LIME1: variants seen among roughly 807,000 people sequenced by gnomAD.
The protein encoded by LIME1 is lck-interacting transmembrane adapter 1.
In LIME1, 23 loss-of-function variants were observed where a neutral mutation model predicts 18.8. The ratio of observed to expected loss-of-function variants is 1.22; its 90% CI spans 0.88 to 1.73. LIME1 has a LOEUF of 1.73. LIME1 is among the 40% of genes most tolerant of loss of function. The pLI is 0.00. For missense variants in LIME1, 423 were observed against 396.8 expected, an observed-to-expected ratio of 1.07 and a Z score of -0.56; for synonymous variants, 177 against 182.3, an observed-to-expected ratio of 0.97 and a Z score of 0.23.
At position 63,738,296 on chromosome 20, in the gene LIME1, G is replaced by C. The variant is rs1317761951; in HGVS notation, c.382G>C (p.Ala128Pro). 3 of 1,569,262 alleles carry C rather than the reference G, an allele frequency of 1.9e-6. No homozygotes were observed. Among genetic ancestry groups the C allele is most frequent in the Non-Finnish European group, 2.6e-6 (3 of 1,161,658 alleles). ...SAFPHQELPR[A>P]LPAAAATAGC... The stretch of plus-strand genomic sequence containing the variant: ...CTTCCCACACCAGGAGCTGCCCCGG[G>C]CTCTGCCGGCAGCTGCAGCCACCGC... Residue 128 changes from alanine (A) to proline (P), a missense_variant, in exon 5 of 6, where the codon GCT becomes CCT. Coordinates refer to ENST00000309546, the MANE Select transcript of LIME1 (RefSeq NM_017806.4).
upstream of LIME1, chr20:63,735,900 A>G (rs1378793977): frequency 3.7e-6 from 6 of 1,612,560 alleles, no homozygotes; most frequent in East Asian, 4.5e-5. Flanking sequence ...GACACCCACA[A>G]GAAGATGACT....
chr20:63,738,408 C>T lies in LIME1; in HGVS notation c.494C>T (p.Ala165Val). ...AGCCTGGCGGCCAGCCCTGTGGTGG[C>T]CGAGTATGCCCGCGTCCAGAAGCGC... Reference protein sequence around the residue: ...GVSLAASPVVAEYARVQKRKG... With the variant: ...GVSLAASPVVVEYARVQKRKG... The change falls in exon 5 of 6, where the codon GCC becomes GTC. Residue 165 changes from alanine (A) to valine (V), a missense_variant. Transcript: ENST00000309546. 1 of 1,545,276 alleles carries T rather than the reference C, an allele frequency of 6.5e-7. No homozygotes were observed. Among genetic ancestry groups the T allele is most frequent in the Non-Finnish European group, 8.7e-7 (1 of 1,145,748 alleles).
rs1444769403 is a variant in LIME1 at position 63,738,170 on chromosome 20, ACCCCAC to A, written c.269-7_269-2del. On this transcript the variant is annotated splice_polypyrimidine_tract_variant and splice_region_variant and intron_variant, in intron 4 of 5. Transcript: ENST00000309546. ...CCTGCCCGGAGTGAACTCTGCCCTGACCCCACCCCCAGCCCTGCGGCCTGCCAGCAT... is the reference window on the plus strand; with the variant it reads ...CCTGCCCGGAGTGAACTCTGCCCTGACCCCAGCCCTGCGGCCTGCCAGCAT... The A allele has an allele frequency of 1.3e-6, 2 of 1,554,708 alleles. No individual in the cohort carries two copies. Among genetic ancestry groups the A allele is most frequent in the East Asian group, 4.7e-5 (2 of 42,508 alleles).
At chr20:63,736,099 C>T, upstream of LIME1, 3 of 841,486 alleles carry the variant, frequency 3.6e-6, no homozygotes, top group Non-Finnish European at 5.5e-6. Context: ...GTGTCTTGGG[C>T]ATTTCCTTGG....
At chr20:63,736,164 G>A, upstream of LIME1, 1 of 559,248 alleles carries the variant, frequency 1.8e-6, no homozygotes, top group Non-Finnish European at 3.1e-6. Context: ...TCAGCTGGCT[G>A]CAGGGTCTCT....
chr20:63,738,084 C>A, intron 4 of LIME1, 24 bp downstream of exon 4: 1 of 1,512,842 alleles, frequency 6.6e-7, no homozygotes, highest in Admixed American at 2.0e-5. Flanking sequence ...GGGGCGGGGG[C>A]GGCCGGGCGG....
In LIME1 at chr20:63,738,504, C is replaced by G; in HGVS notation, c.585+5C>G. ...GAGGTGACCCCGGCCGCTCAGGTAA[C>G]GTGGGCCAGGGTAGGGCGCTGTGGG... On this transcript the variant is annotated splice_donor_5th_base_variant and intron_variant, in intron 5 of 5. Transcript: ENST00000309546. 1 of 1,513,918 alleles carries G rather than the reference C, an allele frequency of 6.6e-7. No individual in the cohort carries two copies. Among genetic ancestry groups the G allele is most frequent in the Middle Eastern group, 1.8e-4 (1 of 5,616 alleles). The allele number at this position is 1,513,918 out of a possible 1,614,324, so 93.8% of individuals were successfully genotyped here.
upstream of LIME1, chr20:63,736,276 A>C (rs2091989416): frequency 1.3e-5 from 3 of 238,600 alleles, no homozygotes; most frequent in African/African-American, 4.6e-5. Flanking sequence ...TGACCAAGGC[A>C]GATCGGAGGC....
intron 1 of LIME1, chr20:63,736,990 G>T: frequency 1.0e-6 from 1 of 985,856 alleles, no homozygotes; most frequent in Non-Finnish European, 1.2e-6. Flanking sequence ...AGAGAAGTGG[G>T]GTGGGGGCAT....
At position 63,738,857 on chromosome 20, in the gene LIME1, G is replaced by C. The variant is rs1023742819; in HGVS notation, c.845G>C (p.Ser282Thr). The change falls in exon 6 of 6, where the codon AGC (serine) becomes ACC (threonine). Residue 282 changes from serine to threonine, a missense_variant. Transcript: ENST00000309546. ...ACGCCCCCTGCTTCCAGCTGCCCCA[G>C]CCTAGGGAGGGGCTGGAGACCCCTC... ...AGTPPASSCP[S>T]LGRGWRPLPA... 2 of 1,610,062 alleles carry C rather than the reference G, an allele frequency of 1.2e-6. No homozygotes were observed. Among genetic ancestry groups the C allele is most frequent in the African/African-American group, 2.7e-5 (2 of 74,862 alleles).
At chr20:63,735,955 C>A, upstream of LIME1, 1 of 1,587,498 alleles carries the variant, frequency 6.3e-7, no homozygotes, top group Non-Finnish European at 8.6e-7. Context: ...GCGTGGGACC[C>A]CAGCACGGGC....
intron 4 of LIME1, 37 bp from the exon 5 acceptor site, chr20:63,738,146 C>T: frequency 3.3e-6 from 5 of 1,536,878 alleles, no homozygotes; most frequent in Non-Finnish European, 4.4e-6. Context: ...CTCCTGCCCC[C>T]TGCCCGGAGT....
intron 1 of LIME1, 70 bp downstream of exon 1, chr20:63,736,782 G>T (rs2091994391): frequency 1.0e-6 from 1 of 985,654 alleles, no homozygotes; most frequent in Non-Finnish European, 1.2e-6. Flanking sequence ...GGGTCAGTCA[G>T]CCAGGCTGAA....
chr20:63,736,024 C>G, upstream of LIME1: 4 of 1,491,002 alleles, frequency 2.7e-6, no homozygotes, highest in South Asian at 2.7e-5. Context: ...CTGGGGCGTG[C>G]AGACACTGCT....
In LIME1 at chr20:63,738,916, T is replaced by C. The variant is rs765331708; in HGVS notation, c.*16T>C. ...CCTGCCCTGAACACTCAAGGACCTG[T>C]GCTCCTTCCTCCAGAGTGAGGCCCG... is the stretch of plus-strand genomic sequence containing the variant. On this transcript the variant is annotated 3_prime_UTR_variant, in exon 6 of 6. Transcript: ENST00000309546. The C allele has an allele frequency of 5.8e-6, 9 of 1,542,188 alleles. No individual in the cohort carries two copies. Among genetic ancestry groups the C allele is most frequent in the Middle Eastern group, 1.7e-4 (1 of 5,758 alleles).
Position 63,738,403 on chromosome 20 carries a change from G to A in LIME1, c.489G>A (p.Val163=), listed in dbSNP as rs2092020543. ...GGGTCAGCCTGGCGGCCAGCCCTGT[G>A]GTGGCCGAGTATGCCCGCGTCCAGA... is the stretch of plus-strand genomic sequence containing the variant. ...LPGVSLAASP[V]VAEYARVQKR... Residue 163 remains valine, a synonymous_variant, in exon 5 of 6, where the codon GTG becomes GTA. Transcript: ENST00000309546. 1.9e-6 allele frequency: 3 copies of A among 1,552,390 alleles called. No homozygotes were observed. Among genetic ancestry groups the A allele is most frequent in the Non-Finnish European group, 2.6e-6 (3 of 1,149,284 alleles).
At position 63,738,069 on chromosome 20, in the gene LIME1, A is replaced by AGAGCG. The variant is rs2092015781; in HGVS notation, c.268+10_268+11insAGCGG. The stretch of plus-strand genomic sequence containing the variant: ...CCCGCGCAGCAGCAGGGGTGAGCAG[A>AGAGCG]GGGCGGGGCGGGGGCGGCCGGGCGG... On this transcript the variant is annotated intron_variant, in intron 4 of 5. Coordinates refer to ENST00000309546, the MANE Select transcript of LIME1 (RefSeq NM_017806.4). 1 of 890,066 alleles carries AGAGCG rather than the reference A, an allele frequency of 1.1e-6. No homozygotes were observed. The highest frequency in any genetic ancestry group is 1.6e-6 in the Non-Finnish European group (1 of 637,550). The allele number at this position is 890,066 out of a possible 1,614,324, so 55.1% of individuals were successfully genotyped here.
chr20:63,738,024 CTGCACG>C lies in LIME1; in HGVS notation c.233_238del (p.Leu78_Glu80delinsGln). The stretch of plus-strand genomic sequence containing the variant: ...CTCCCTCAGCAAGTCGGACACCAGA[CTGCACG>C]AGCTGCACCGGGGCCCGCGCAGCAG... On this transcript the variant is annotated inframe_deletion, in exon 4 of 6. Coordinates refer to ENST00000309546, the MANE Select transcript of LIME1 (RefSeq NM_017806.4). 3.8e-6 allele frequency: 6 copies of C among 1,561,402 alleles called. No individual in the cohort carries two copies. The South Asian group carries it at 7.0e-5, about 18-fold the overall frequency.
At chr20:63,736,842 C>G (rs1383194058) in intron 1 of LIME1, 130 bp downstream of exon 1, 2 of 986,632 alleles carry the variant, frequency 2.0e-6, no homozygotes, top group Middle Eastern at 5.1e-4. Flanking sequence ...AGAGACCACC[C>G]CTCACCCCCC....
Sources: allele counts gnomAD v4.1 joint callset, GRCh38; gene constraint gnomAD v4.1.1; transcripts MANE v1.5; gene names NCBI Gene and HGNC (gene_info 2026-07-23, HGNC 2026-07-21).